The following CDC42BPA variants were observed in gnomAD, a reference collection of about 807,000 sequenced individuals.
The protein encoded by CDC42BPA is serine/threonine-protein kinase MRCK alpha.
CDC42BPA carries 80 observed loss-of-function variants against 223.5 expected under a neutral mutation model. The ratio of observed to expected loss-of-function variants is 0.36; its 90% CI spans 0.30 to 0.43. The LOEUF (loss-of-function observed/expected upper bound fraction) is 0.43, where lower values mean the gene tolerates loss of function less well. CDC42BPA is among the 20% of genes least tolerant of loss of function. CDC42BPA has a pLI of 1.00. For missense variants in CDC42BPA, 1,743 were observed against 2,099.9 expected (o/e 0.83, Z 3.32); for synonymous variants, 694 against 718.6 (o/e 0.97, Z 0.55).
intron 5 of CDC42BPA, among the ~76,000 whole-genome samples, chr1:227,168,509 T>TG (rs200335574): frequency 7.1e-6 from 1 of 140,032 alleles, no homozygotes; most frequent in Non-Finnish European, 1.6e-5. Context: ...TTTTTTTTTT[T>TG]TTTTGAGGCA....
chr1:227,063,909 T>A (rs1369601246), intron 21 of CDC42BPA, among the ~76,000 whole-genome samples: 1 of 152,146 alleles, frequency 6.6e-6, no homozygotes, highest in Non-Finnish European at 1.5e-5. Context: ...TAAAACCATG[T>A]GAAATCAAGA....
At chr1:227,108,930 T>C (rs1686413496) in intron 14 of CDC42BPA, among the ~76,000 whole-genome samples, 1 of 152,192 alleles carries the variant, frequency 6.6e-6, no homozygotes, top group Admixed American at 6.5e-5. Flanking sequence ...TACAGTATGG[T>C]ACTGTCCTGA....
intron 1 of CDC42BPA, among the ~76,000 whole-genome samples, chr1:227,276,437 T>C (rs1427907186): frequency 6.6e-6 from 1 of 151,196 alleles, no homozygotes; most frequent in Non-Finnish European, 1.5e-5. Context: ...AGCTGCCCCG[T>C]CCGGGAGGGA....
intron 15 of CDC42BPA, among the ~76,000 whole-genome samples, chr1:227,098,815 C>T (rs1420891029): frequency 6.6e-6 from 1 of 151,794 alleles, no homozygotes; most frequent in Admixed American, 6.6e-5. Flanking sequence ...TACTCTTAAC[C>T]TAGTATTCAG....
intron 1 of CDC42BPA, among the ~76,000 whole-genome samples, chr1:227,268,351 A>G (rs1176986039): frequency 6.6e-6 from 1 of 152,082 alleles, no homozygotes; most frequent in African/African-American, 2.4e-5. Flanking sequence ...AAGTTTGCCA[A>G]TTCTGTTTTA....
intron 20 of CDC42BPA, among the ~76,000 whole-genome samples, chr1:227,070,353 G>A (rs1299704600): frequency 6.6e-6 from 1 of 151,474 alleles, no homozygotes; most frequent in East Asian, 1.9e-4. Flanking sequence ...TTTTTTTATT[G>A]ACAGGATGAA....
chr1:227,031,256 G>A, intron 28 of CDC42BPA, 42 bp downstream of exon 28: 1 of 1,483,418 alleles, frequency 6.7e-7, no homozygotes, highest in Non-Finnish European at 9.4e-7. Flanking sequence ...AGGTAGATTA[G>A]TAAACAATGA....
At chr1:227,250,195 A>G (rs956524483) in intron 2 of CDC42BPA, among the ~76,000 whole-genome samples, 6 of 152,172 alleles carry the variant, frequency 3.9e-5, no homozygotes, top group African/African-American at 7.2e-5. Flanking sequence ...AAAAAAAATA[A>G]TAATAATAAG....
intron 35 of CDC42BPA, among the ~76,000 whole-genome samples, chr1:226,995,549 A>G (rs1481753039): frequency 6.6e-6 from 1 of 152,234 alleles, no homozygotes; most frequent in Non-Finnish European, 1.5e-5. Context: ...TATCTTCTAG[A>G]AAATTTTCAT....
Position 227,119,894 on chromosome 1 carries a change from C to T in CDC42BPA, c.1557G>A (p.Val519=). 6.2e-7 allele frequency: 1 copy of T among 1,601,328 alleles called. No individual in the cohort carries two copies. The highest frequency in any genetic ancestry group is 8.5e-7 in the Non-Finnish European group (1 of 1,174,132). ...LEQQLEEANA[V]RQELDDAFRQ... ...TAAAAGCATCATCTAGTTCTTGCCT[C>T]ACAGCATTAGCTTCTTCAAGTTGCT... The change falls in exon 12 of 37, where the codon GTG becomes GTA. Residue 519 remains valine, a synonymous_variant. Coordinates refer to ENST00000366766, the MANE Select transcript of CDC42BPA (RefSeq NM_001394014.1).
At chr1:227,228,233 C>T (rs572505644) in intron 2 of CDC42BPA, among the ~76,000 whole-genome samples, 49 of 152,314 alleles carry the variant, frequency 3.2e-4, no homozygotes, top group Non-Finnish European at 5.9e-4. Flanking sequence ...AGCACGTTTA[C>T]CTATGTAACA....
At chr1:227,101,267 G>A in intron 14 of CDC42BPA, 28 bp from the exon 15 acceptor site, 2 of 1,313,404 alleles carry the variant, frequency 1.5e-6, no homozygotes, top group African/African-American at 1.5e-5. Context: ...AAAGATTAGT[G>A]CATCTACAAG....
At chr1:227,101,802 C>T (rs1685099605) in intron 14 of CDC42BPA, among the ~76,000 whole-genome samples, 1 of 152,066 alleles carries the variant, frequency 6.6e-6, no homozygotes, top group African/African-American at 2.4e-5. Flanking sequence ...GGTCTCTTCA[C>T]TTTTAGGTAT....
At chr1:227,076,923 G>A (rs1035917780) in intron 17 of CDC42BPA, among the ~76,000 whole-genome samples, 8 of 151,986 alleles carry the variant, frequency 5.3e-5, no homozygotes, top group Admixed American at 1.3e-4. Flanking sequence ...TATACTTCCC[G>A]AAGTCTAATT....
intron 5 of CDC42BPA, among the ~76,000 whole-genome samples, chr1:227,169,301 C>G (rs1215727650): frequency 6.6e-6 from 1 of 152,148 alleles, no homozygotes; most frequent in Non-Finnish European, 1.5e-5. Context: ...GTTACATACT[C>G]CTTTTTCTTT....
Position 227,034,686 on chromosome 1 carries a change from T to C in CDC42BPA, c.3445A>G (p.Ser1149Gly), listed in dbSNP as rs1478493043. ...TCAATCACTTGACTAATGACAACAC[T>C]GGGCTGAGATGCTTTTCCTTCAGCA... ...DIAEGKASQP[S>G]VVISQVIDMR... Residue 1149 changes from serine to glycine, a missense_variant, in exon 26 of 37, where the codon AGT (serine) becomes GGT (glycine). Physicochemically the swap from Ser to Gly is moderately conservative, Grantham distance 56. Coordinates refer to ENST00000366766, the MANE Select transcript of CDC42BPA (RefSeq NM_001394014.1). 9 of 1,613,408 alleles carry C rather than the reference T, an allele frequency of 5.6e-6. No homozygotes were observed. The highest frequency in any genetic ancestry group is 7.6e-6 in the Non-Finnish European group (9 of 1,179,670).
At chr1:227,095,115 C>T (rs1683748714) in intron 15 of CDC42BPA, among the ~76,000 whole-genome samples, 1 of 152,208 alleles carries the variant, frequency 6.6e-6, no homozygotes, top group African/African-American at 2.4e-5. Flanking sequence ...TTACTTATAG[C>T]CTGATGCTTC....
In CDC42BPA at chr1:227,171,427, C is replaced by A. The variant is rs145477685; in HGVS notation, c.600-10791G>T. On this transcript the variant is annotated intron_variant, in intron 5 of 36. Coordinates refer to ENST00000366766, the MANE Select transcript of CDC42BPA (RefSeq NM_001394014.1). Reference sequence around the variant, plus strand: ...CTTGAGTCCAGGAGTTTATGACCAGCGTGAGCAACCTCATCGCTACAAAAA... The same window carrying A: ...CTTGAGTCCAGGAGTTTATGACCAGAGTGAGCAACCTCATCGCTACAAAAA... Among the ~76,000 whole-genome samples, 8 of 152,264 alleles carry A rather than the reference C, an allele frequency of 5.3e-5. 1 individual carries two copies. The highest frequency in any genetic ancestry group is 1.9e-4 in the African/African-American group (8 of 41,550).
intron 3 of CDC42BPA, among the ~76,000 whole-genome samples, chr1:227,206,728 T>C (rs904643867): frequency 1.1e-4 from 16 of 152,166 alleles, no homozygotes; most frequent in African/African-American, 3.6e-4. Context: ...CAATGCAGAA[T>C]TTCTGTCTAA....
Sources: allele counts gnomAD v4.1 joint callset (sites outside exome capture counted in the v4.1 genomes callset), GRCh38; gene constraint gnomAD v4.1.1; transcripts MANE v1.5; gene names NCBI Gene and HGNC (gene_info 2026-07-23, HGNC 2026-07-21).